The following KCNG3 variants were observed in gnomAD, a reference collection of about 807,000 sequenced individuals.
KCNG3 encodes the protein voltage-gated potassium channel regulatory subunit KCNG3.
KCNG3 carries 15 observed loss-of-function variants against 29.0 expected under a neutral mutation model. The ratio of observed to expected loss-of-function variants is 0.52; its 90% CI spans 0.35 to 0.80. The LOEUF is 0.80. KCNG3 is among the 30% of genes least tolerant of loss of function. KCNG3 has a pLI of 0.01. For missense variants in KCNG3, 512 were observed against 605.7 expected, an observed-to-expected ratio of 0.85 and a Z score of 1.62; for synonymous variants, 322 against 248.9, an observed-to-expected ratio of 1.29 and a Z score of -2.76.
At chr2:42,427,001 A>G in the KCNG3 span, among the ~76,000 whole-genome samples, 3 of 152,374 alleles carry the variant, frequency 2.0e-5, no homozygotes, top group Non-Finnish European at 2.9e-5. Flanking sequence ...TGTACTTAAT[A>G]TATTTTACCC....
the KCNG3 span, among the ~76,000 whole-genome samples, chr2:42,419,217 C>CTT: frequency 2.1e-5 from 1 of 47,538 alleles, no homozygotes; most frequent in Admixed American, 2.5e-4. Context: ...CAGATGGTAT[C>CTT]TCTTTTTTTT....
At chr2:42,474,929 C>T (rs1558385526) in intron 1 of KCNG3, among the ~76,000 whole-genome samples, 2 of 152,146 alleles carry the variant, frequency 1.3e-5, no homozygotes, top group Non-Finnish European at 1.5e-5. Flanking sequence ...CCAATGTACA[C>T]GACTTCTGCA....
At chr2:42,466,697 A>C (rs1279850791) in intron 1 of KCNG3, among the ~76,000 whole-genome samples, 1 of 151,950 alleles carries the variant, frequency 6.6e-6, no homozygotes, top group Non-Finnish European at 1.5e-5. Flanking sequence ...ACTGGTACAA[A>C]AGTTAATTGT....
Position 42,444,123 on chromosome 2 carries a change from A to T in KCNG3, c.1122T>A (p.Val374=), listed in dbSNP as rs765158653. The change falls in exon 2 of 2, where the codon GTT becomes GTA. Residue 374 remains valine, a synonymous_variant. Transcript: ENST00000306078. The surrounding 1 kb of genome is among the most constrained non-coding windows in gnomAD (Gnocchi z 5.8). ...TGATAGGATACATATCTCCATAGCC[A>T]ACTGTAGTCATAGAGATAATCACCC... ...CWWVIISMTT[V]GYGDMYPITV... is the part of the protein sequence containing the mutation. The T allele has an allele frequency of 6.2e-7, 1 of 1,614,194 alleles. No homozygotes were observed. The highest frequency in any genetic ancestry group is 8.5e-7 in the Non-Finnish European group (1 of 1,180,038).
the KCNG3 span, among the ~76,000 whole-genome samples, chr2:42,411,938 G>A: frequency 1.3e-5 from 2 of 152,192 alleles, no homozygotes; most frequent in African/African-American, 4.8e-5. Context: ...AAGACTATGT[G>A]ACAGCAAATT....
intron 1 of KCNG3, among the ~76,000 whole-genome samples, chr2:42,467,554 G>T (rs1673171164): frequency 3.3e-5 from 5 of 151,644 alleles, no homozygotes; most frequent in Admixed American, 2.0e-4. Context: ...TGTAATCCCA[G>T]CTACTCAGGA....
chr2:42,450,178 T>G (rs1445656004), intron 1 of KCNG3, among the ~76,000 whole-genome samples: 1 of 152,146 alleles, frequency 6.6e-6, no homozygotes, highest in Non-Finnish European at 1.5e-5. Context: ...AAGGAGGAAA[T>G]CCAAATGGTG....
intron 1 of KCNG3, among the ~76,000 whole-genome samples, chr2:42,452,080 G>A (rs1672769113): frequency 6.6e-6 from 1 of 151,650 alleles, no homozygotes; most frequent in Non-Finnish European, 1.5e-5. Flanking sequence ...ACTAAAAAAT[G>A]GACAAAGGAT....
At chr2:42,413,545 A>G in the KCNG3 span, among the ~76,000 whole-genome samples, 8 of 152,020 alleles carry the variant, frequency 5.3e-5, no homozygotes, top group Non-Finnish European at 8.8e-5. Context: ...CTAGTCTTCT[A>G]GTCATATCAC....
intron 1 of KCNG3, among the ~76,000 whole-genome samples, chr2:42,445,829 C>G (rs143694569): frequency 0.011 from 1,624 of 152,072 alleles, 25 homozygotes; most frequent in African/African-American, 0.037. Flanking sequence ...CGGGTTTAAG[C>G]AATTCTCCTG....
At chr2:42,411,341 AC>A in the KCNG3 span, among the ~76,000 whole-genome samples, 20 of 152,270 alleles carry the variant, frequency 1.3e-4, no homozygotes, top group South Asian at 4.1e-4. Flanking sequence ...CTCCTACATT[AC>A]ATTTATAAAT....
chr2:42,393,261 A>AC, the KCNG3 span, among the ~76,000 whole-genome samples: 1 of 146,736 alleles, frequency 6.8e-6, no homozygotes, highest in Middle Eastern at 3.5e-3. Context: ...TATCTCTTAC[A>AC]TTAAAAAAAA....
In KCNG3 at chr2:42,488,323, T is replaced by C. The variant is rs570697273; in HGVS notation, c.665+4514A>G. 1.1e-4 allele frequency among the ~76,000 whole-genome samples: 16 copies of C among 152,318 alleles called. No individual in the cohort carries two copies. In the South Asian group the frequency reaches 2.1e-3, roughly 20 times the overall value. On this transcript the variant is annotated intron_variant, in intron 1 of 1. Transcript: ENST00000306078. ...GGTTCATAAAAGTAAACCATACTCT[T>C]ATCTTTATTCCTTTCGTACCATTAA...
the KCNG3 span, among the ~76,000 whole-genome samples, chr2:42,398,449 T>A: frequency 6.6e-6 from 1 of 151,958 alleles, no homozygotes; most frequent in Admixed American, 6.6e-5. Context: ...GGGAATCCCA[T>A]GAAAAATCTA....
At chr2:42,405,631 A>T in the KCNG3 span, among the ~76,000 whole-genome samples, 1 of 150,518 alleles carries the variant, frequency 6.6e-6, no homozygotes, top group African/African-American at 2.4e-5. Context: ...TTTTTGAGAC[A>T]GAGTCTCACT....
At chr2:42,395,971 C>T in the KCNG3 span, among the ~76,000 whole-genome samples, 1 of 152,084 alleles carries the variant, frequency 6.6e-6, no homozygotes, top group Non-Finnish European at 1.5e-5. Context: ...AAAGAATATG[C>T]ACTTAATACC....
At chr2:42,465,392 T>G (rs189178747) in intron 1 of KCNG3, among the ~76,000 whole-genome samples, 1 of 152,136 alleles carries the variant, frequency 6.6e-6, no homozygotes, top group East Asian at 1.9e-4. Flanking sequence ...AGTTTTTGTA[T>G]TTTTAGCAGA....
intron 1 of KCNG3, among the ~76,000 whole-genome samples, chr2:42,448,148 C>T (rs1454845435): frequency 6.6e-6 from 1 of 152,116 alleles, no homozygotes; most frequent in Non-Finnish European, 1.5e-5. Context: ...TGCTCTGTGA[C>T]CTGTCTGTAT....
At chr2:42,446,315 T>A (rs1672595378) in intron 1 of KCNG3, among the ~76,000 whole-genome samples, 1 of 151,962 alleles carries the variant, frequency 6.6e-6, no homozygotes, top group Non-Finnish European at 1.5e-5. Context: ...TAGCTGGGAC[T>A]ACAGGCGCGC....
Sources: gnomAD v4.1 joint callset for allele counts (sites outside exome capture counted in the v4.1 genomes callset) on GRCh38, gnomAD v4.1.1 for gene constraint, Gnocchi (gnomAD v3.1) non-coding constraint, MANE v1.5 for transcripts, NCBI Gene and HGNC (gene_info 2026-07-23, HGNC 2026-07-21) for gene names.